ANK2: variants seen among roughly 807,000 people sequenced by gnomAD.
The protein encoded by ANK2 is ankyrin 2.
ANK2 carries 83 observed loss-of-function variants against 360.5 expected under a neutral mutation model. The observed-to-expected ratio is 0.23, with a 90% CI of 0.19 to 0.28. ANK2 has a LOEUF of 0.28. Among genes scored for constraint, ANK2 ranks in the 10% least tolerant of loss-of-function variants. The pLI, the probability that ANK2 is intolerant of heterozygous loss-of-function variation, is 1.00. For synonymous variants in ANK2, 1,740 were observed against 1,759.5 expected (o/e 0.99, Z 0.28); for missense variants, 4,201 against 4,795.7 (o/e 0.88, Z 3.66).
chr4:113,092,744 A>T (rs1197124584), intron 1 of ANK2, among the ~76,000 whole-genome samples: 1 of 152,200 alleles, frequency 6.6e-6, no homozygotes, highest in African/African-American at 2.4e-5. Context: ...TAAATGAGGT[A>T]ATGAGTGTAA....
At chr4:112,784,394 G>C in the ANK2 span, among the ~76,000 whole-genome samples, 1 of 120,874 alleles carries the variant, frequency 8.3e-6, no homozygotes, top group African/African-American at 3.1e-5. Flanking sequence ...GTCTAGCTCT[G>C]TCGCCCAGGC....
At chr4:113,302,970 T>G in intron 23 of ANK2, 131 bp downstream of exon 23, 1 of 835,552 alleles carries the variant, frequency 1.2e-6, no homozygotes, top group Non-Finnish European at 2.0e-6. Context: ...TTTTTCACCT[T>G]TGTTTCAATA....
intron 4 of ANK2, among the ~76,000 whole-genome samples, chr4:113,220,480 T>C (rs2099137736): frequency 6.6e-6 from 1 of 152,236 alleles, no homozygotes; most frequent in South Asian, 2.1e-4. Flanking sequence ...AAAAGTTGTA[T>C]GTTTTGTTTT....
chr4:113,167,357 A>G (rs1047865402), intron 1 of ANK2, among the ~76,000 whole-genome samples: 3 of 148,934 alleles, frequency 2.0e-5, no homozygotes, highest in Non-Finnish European at 4.4e-5. Flanking sequence ...GCTGGAGTGC[A>G]GTGGTGATCT....
At chr4:113,199,132 G>C in intron 4 of ANK2, 23 bp downstream of exon 4, 1 of 1,543,118 alleles carries the variant, frequency 6.5e-7, no homozygotes, top group East Asian at 2.3e-5. Context: ...GATTTTCCCT[G>C]ATGTACATAC....
the ANK2 span, among the ~76,000 whole-genome samples, chr4:112,749,317 G>A: frequency 6.6e-6 from 1 of 152,204 alleles, no homozygotes; most frequent in South Asian, 2.1e-4. Context: ...AGTATGGGAG[G>A]AAAAGCCTGA....
chr4:112,958,855 C>CTTTTT (rs1554019467), intron 2 of ANK2, among the ~76,000 whole-genome samples: 3 of 150,662 alleles, frequency 2.0e-5, no homozygotes, highest in African/African-American at 7.3e-5. Flanking sequence ...ATTTCTTTTT[C>CTTTTT]TTTTTTTTTG....
intron 4 of ANK2, among the ~76,000 whole-genome samples, chr4:113,205,636 C>T (rs115293750): frequency 0.022 from 3,361 of 152,204 alleles, 54 homozygotes; most frequent in Middle Eastern, 0.037. Context: ...ACTATTAATT[C>T]CAGTTGTAAG....
intron 4 of ANK2, among the ~76,000 whole-genome samples, chr4:113,199,892 T>A (rs990449972): frequency 6.6e-6 from 1 of 152,170 alleles, no homozygotes; most frequent in Non-Finnish European, 1.5e-5. Context: ...CCTCACCAGG[T>A]TGCCTTTGAA....
intron 1 of ANK2, among the ~76,000 whole-genome samples, chr4:112,889,659 ACTTT>A (rs1270417190): frequency 6.6e-6 from 1 of 152,018 alleles, no homozygotes; most frequent in Non-Finnish European, 1.5e-5. Context: ...AAAACATGAT[ACTTT>A]CTTTATTAGT....
intron 2 of ANK2, among the ~76,000 whole-genome samples, chr4:112,915,625 T>C (rs898066780): frequency 1.3e-5 from 2 of 151,866 alleles, no homozygotes; most frequent in African/African-American, 4.8e-5. Flanking sequence ...CATGGTGGCA[T>C]ACACCTGTAG....
intron 23 of ANK2, 117 bp from the exon 24 acceptor site, chr4:113,311,138 G>A (rs1045693243): frequency 4.9e-5 from 62 of 1,276,762 alleles, no homozygotes; most frequent in Non-Finnish European, 7.0e-5. Context: ...CTAGTGTGCA[G>A]TGCAGTTTCA....
At chr4:112,726,701 A>C in the ANK2 span, among the ~76,000 whole-genome samples, 1 of 152,034 alleles carries the variant, frequency 6.6e-6, no homozygotes, top group African/African-American at 2.4e-5. Flanking sequence ...AATACAAAAA[A>C]TTAGCCGGGT....
chr4:112,818,840 G>C (rs2056133301), intron 1 of ANK2, among the ~76,000 whole-genome samples: 1 of 152,086 alleles, frequency 6.6e-6, no homozygotes, highest in Non-Finnish European at 1.5e-5. Flanking sequence ...AATAGTGTCA[G>C]CTGGCAGAAC....
In ANK2 at chr4:112,826,658, T is replaced by A. The variant is rs567577203; in HGVS notation, c.-40+8394T>A. On this transcript the variant is annotated intron_variant, in intron 1 of 30. Coordinates refer to the ANK2 transcript ENST00000503271. ...GCAGTGAAAAACGGGTGACCACACT[T>A]ACACATTCCTCAGCATTGACCATTC... 6.3e-5 allele frequency: 63 copies of A among 995,752 alleles called. No individual in the cohort carries two copies. In the African/African-American group the frequency reaches 1.0e-3, roughly 16 times the overall value. 61.7% of individuals were successfully genotyped at this position (995,752 alleles called of 1,614,324 possible).
At chr4:113,038,066 G>A (rs2061992873) in intron 2 of ANK2, among the ~76,000 whole-genome samples, 1 of 151,926 alleles carries the variant, frequency 6.6e-6, no homozygotes, top group Admixed American at 6.6e-5. Context: ...ATATACTTTT[G>A]TTTCATTTTT....
At chr4:113,143,311 G>T (rs919704897) in intron 1 of ANK2, among the ~76,000 whole-genome samples, 1 of 34,456 alleles carries the variant, frequency 2.9e-5, no homozygotes, top group Non-Finnish European at 5.9e-5. Flanking sequence ...GGTGGAATGG[G>T]TATTGTATTA....
At chr4:112,867,448 G>A (rs1457636982) in intron 1 of ANK2, among the ~76,000 whole-genome samples, 1 of 151,888 alleles carries the variant, frequency 6.6e-6, no homozygotes, top group Non-Finnish European at 1.5e-5. Flanking sequence ...ACTTTAAAGT[G>A]TATAATTCAG....
intron 2 of ANK2, among the ~76,000 whole-genome samples, chr4:112,912,440 T>C (rs1414480981): frequency 6.6e-6 from 1 of 152,128 alleles, no homozygotes; most frequent in Non-Finnish European, 1.5e-5. Flanking sequence ...TCGTGTAATA[T>C]TGAATTTAAG....
Sources: allele counts gnomAD v4.1 joint callset (sites outside exome capture counted in the v4.1 genomes callset), GRCh38; gene constraint gnomAD v4.1.1; transcripts MANE v1.5; gene names NCBI Gene and HGNC (gene_info 2026-07-23, HGNC 2026-07-21).